The following PLPPR1 variants were observed in gnomAD, a reference collection of about 807,000 sequenced individuals.
PLPPR1 encodes phospholipid phosphatase related 1.
PLPPR1 carries 10 observed loss-of-function variants against 33.1 expected under a neutral mutation model. The observed-to-expected ratio is 0.30, with a 90% CI of 0.19 to 0.51. PLPPR1 has a LOEUF of 0.51. PLPPR1 is among the 20% of genes least tolerant of loss of function. The pLI is 0.97. For synonymous variants in PLPPR1, 151 were observed against 151.0 expected (o/e 1.00, Z 0.00); for missense variants, 304 against 408.1 (o/e 0.74, Z 2.20).
At chr9:101,220,385 A>C (rs1333486922) in intron 2 of PLPPR1, among the ~76,000 whole-genome samples, 1 of 152,260 alleles carries the variant, frequency 6.6e-6, no homozygotes. Flanking sequence ...AGATGAGGAA[A>C]TTGAGGCCCT....
At chr9:101,268,695 T>C (rs757243366) in intron 2 of PLPPR1, among the ~76,000 whole-genome samples, 3 of 152,212 alleles carry the variant, frequency 2.0e-5, no homozygotes, top group African/African-American at 4.8e-5. Context: ...CCTGAAAAGA[T>C]TATGATTTCC....
intron 2 of PLPPR1, among the ~76,000 whole-genome samples, chr9:101,237,008 G>T (rs1257593311): frequency 6.6e-6 from 1 of 151,660 alleles, no homozygotes. Flanking sequence ...TGTGGGTAAA[G>T]GACAGGAACA....
intron 1 of PLPPR1, among the ~76,000 whole-genome samples, chr9:101,109,263 C>T (rs1254701912): frequency 3.3e-5 from 5 of 151,524 alleles, no homozygotes; most frequent in Non-Finnish European, 5.9e-5. Flanking sequence ...TGTGAGCCAC[C>T]GCGCCCGACT....
intron 2 of PLPPR1, among the ~76,000 whole-genome samples, chr9:101,244,375 A>G (rs1465067156): frequency 6.6e-6 from 1 of 152,056 alleles, no homozygotes; most frequent in African/African-American, 2.4e-5. Context: ...AAGATTCAGA[A>G]AGACGAAAAA....
At chr9:101,136,356 A>G (rs1831376970) in intron 1 of PLPPR1, among the ~76,000 whole-genome samples, 1 of 152,240 alleles carries the variant, frequency 6.6e-6, no homozygotes, top group Non-Finnish European at 1.5e-5. Context: ...ATGTATGTAC[A>G]CTAAATCGGA....
At chr9:101,137,825 C>G (rs1026237909) in intron 1 of PLPPR1, among the ~76,000 whole-genome samples, 1 of 152,174 alleles carries the variant, frequency 6.6e-6, no homozygotes, top group Non-Finnish European at 1.5e-5. Context: ...ACATCCATGC[C>G]TGATTTGATT....
Position 101,113,604 on chromosome 9 carries a change from G to GT in PLPPR1, c.-45-71845dup, listed in dbSNP as rs1211293192. Among the ~76,000 whole-genome samples, 6 of 151,118 alleles carry GT rather than the reference G, an allele frequency of 4.0e-5. No individual in the cohort carries two copies. In the Admixed American group the frequency reaches 4.0e-4, roughly 10 times the overall value. On this transcript the variant is annotated intron_variant, in intron 1 of 7. Coordinates refer to ENST00000374874, the MANE Select transcript of PLPPR1 (RefSeq NM_207299.2). ...GTATTGAATATGCTTGGGGGAAAAT[G>GT]TAAGTGTTAAGAAAGAACAGAAAAA...
chr9:101,287,689 C>T (rs1006538271), intron 4 of PLPPR1, among the ~76,000 whole-genome samples: 1 of 152,004 alleles, frequency 6.6e-6, no homozygotes, highest in African/African-American at 2.4e-5. Flanking sequence ...TTAGTAGAGA[C>T]GAGGTTCCAC....
At chr9:101,045,064 ATC>A (rs1830128276) in intron 1 of PLPPR1, among the ~76,000 whole-genome samples, 1 of 152,178 alleles carries the variant, frequency 6.6e-6, no homozygotes, top group African/African-American at 2.4e-5. Context: ...GTCTGAGCTG[ATC>A]CAAAAGGAAT....
chr9:101,037,502 C>T (rs959991111), intron 1 of PLPPR1, among the ~76,000 whole-genome samples: 1 of 152,104 alleles, frequency 6.6e-6, no homozygotes, highest in African/African-American at 2.4e-5. Flanking sequence ...CCCCCACCAA[C>T]ATTTAGATTC....
Position 101,130,974 on chromosome 9 carries a change from G to A in PLPPR1, c.-45-54476G>A, listed in dbSNP as rs545964198. Among the ~76,000 whole-genome samples, 5 of 151,402 alleles carry A rather than the reference G, an allele frequency of 3.3e-5. No homozygotes were observed. The South Asian group carries it at 8.3e-4, about 25-fold the overall frequency. ...CATCTATAAACCTGAGTTTATGCAT[G>A]TGTAAAATGTAGATAAAGGTACACA... is the stretch of plus-strand genomic sequence containing the variant. On this transcript the variant is annotated intron_variant, in intron 1 of 7. Coordinates refer to ENST00000374874, the MANE Select transcript of PLPPR1 (RefSeq NM_207299.2).
chr9:101,092,437 A>G (rs891716995), intron 1 of PLPPR1, among the ~76,000 whole-genome samples: 1 of 152,186 alleles, frequency 6.6e-6, no homozygotes, highest in African/African-American at 2.4e-5. Flanking sequence ...TATTTGACAT[A>G]GTAATTTCTC....
intron 2 of PLPPR1, among the ~76,000 whole-genome samples, chr9:101,226,957 C>A (rs531114774): frequency 6.6e-6 from 1 of 152,172 alleles, no homozygotes; most frequent in South Asian, 2.1e-4. Flanking sequence ...GGTAGCGGAA[C>A]CTGAAAGGTG....
intron 1 of PLPPR1, among the ~76,000 whole-genome samples, chr9:101,080,774 T>G (rs1830607367): frequency 6.6e-6 from 1 of 152,152 alleles, no homozygotes; most frequent in African/African-American, 2.4e-5. Flanking sequence ...AGTATGGGGC[T>G]TTGCACTCAA....
Position 101,276,614 on chromosome 9 carries a change from G to T in PLPPR1, c.252+6546G>T, listed in dbSNP as rs1548017. Among the ~76,000 whole-genome samples the T allele has an allele frequency of 2.8e-3, 422 of 152,218 alleles. 3 individuals are homozygous for T. The highest frequency in any genetic ancestry group is 4.3e-3 in the Non-Finnish European group (295 of 67,998). On this transcript the variant is annotated intron_variant, in intron 3 of 7. Coordinates refer to ENST00000374874, the MANE Select transcript of PLPPR1 (RefSeq NM_207299.2). ...ACTTCAATGCATTTTACTTTTTACT[G>T]AAAGTAGTATTTTAGCTAACTCATT...
At position 101,039,564 on chromosome 9, in the gene PLPPR1, C is replaced by T. The variant is rs1421946842; in HGVS notation, c.-46+10462C>T. ...TACCTTCTGTATTAGTCCATTTTCA[C>T]ACTGCCGATAAAGACATACCTGAGA... On this transcript the variant is annotated intron_variant, in intron 1 of 7. Transcript: ENST00000374874. 2.0e-5 allele frequency among the ~76,000 whole-genome samples: 3 copies of T among 152,238 alleles called. No individual in the cohort carries two copies. In the East Asian group the frequency reaches 5.8e-4, roughly 29 times the overall value.
At chr9:101,038,140 A>T (rs1830031768) in intron 1 of PLPPR1, among the ~76,000 whole-genome samples, 1 of 152,086 alleles carries the variant, frequency 6.6e-6, no homozygotes. Flanking sequence ...TATTTTTATA[A>T]AGGTAGGATT....
intron 2 of PLPPR1, among the ~76,000 whole-genome samples, chr9:101,219,711 C>T (rs948884303): frequency 1.3e-5 from 2 of 152,184 alleles, no homozygotes; most frequent in African/African-American, 4.8e-5. Flanking sequence ...TTGCTCCATA[C>T]CCACCTGGAC....
intron 1 of PLPPR1, among the ~76,000 whole-genome samples, chr9:101,144,237 TG>T (rs2118637653): frequency 1.3e-5 from 2 of 151,430 alleles, no homozygotes; most frequent in South Asian, 4.2e-4. Flanking sequence ...GGATACAGGG[TG>T]GGGAACATCA....
Sources: allele counts gnomAD v4.1 joint callset (sites outside exome capture counted in the v4.1 genomes callset), GRCh38; gene constraint gnomAD v4.1.1; transcripts MANE v1.5; gene names NCBI Gene and HGNC (gene_info 2026-07-23, HGNC 2026-07-21).